Variants in CCDC146 observed in about 807,000 individuals in gnomAD.
The protein encoded by CCDC146 is coiled-coil domain-containing protein 146.
A neutral mutation model predicts 119.3 loss-of-function variants in CCDC146; 92 were observed. That is an observed-to-expected ratio of 0.77 (90% confidence interval 0.65 to 0.92). CCDC146 has a LOEUF of 0.92. CCDC146 is among the 40% of genes least tolerant of loss of function. The probability of loss-of-function intolerance (pLI) is 0.00; values close to 1 mark genes in which losing one functional copy is unlikely to be tolerated. For synonymous variants in CCDC146, 372 were observed against 371.8 expected (o/e 1.00, Z -0.01); for missense variants, 1,000 against 1,103.0 (o/e 0.91, Z 1.32).
intron 2 of CCDC146, among the ~76,000 whole-genome samples, chr7:77,170,629 A>G (rs372733042): frequency 6.6e-6 from 1 of 152,258 alleles, no homozygotes; most frequent in Non-Finnish European, 1.5e-5. Context: ...TAAAAAGACA[A>G]TCTACAGAAT....
At chr7:77,174,603 A>C (rs1206225080) in intron 2 of CCDC146, among the ~76,000 whole-genome samples, 1 of 152,188 alleles carries the variant, frequency 6.6e-6, no homozygotes, top group Non-Finnish European at 1.5e-5. Context: ...CCATGGCAAC[A>C]GTAAACTAAC....
chr7:77,274,481 G>T lies in CCDC146; in HGVS notation c.1270-1G>T. 1 of 1,527,160 alleles carries T rather than the reference G, an allele frequency of 6.5e-7. No homozygotes were observed. The highest frequency in any genetic ancestry group is 8.8e-7 in the Non-Finnish European group (1 of 1,137,228). The allele number at this position is 1,527,160 out of a possible 1,614,324, so 94.6% of individuals were successfully genotyped here. A position where few individuals can be genotyped will look rare whatever the true frequency, so the allele number is the denominator to read the frequency against. ...ATATTATCTGTGTTTTTTTTCAAAA[G>T]AAAATTATATCAGAAATGGAGTCTA... On this transcript the variant is annotated splice_acceptor_variant, in intron 10 of 18. Transcript: ENST00000285871. LOFTEE classifies it high-confidence loss of function.
chr7:77,294,463 G>GGGGTGTGT (rs1233864398), intron 18 of CCDC146, among the ~76,000 whole-genome samples, 200 bp from the exon 19 acceptor site: 10 of 134,232 alleles, frequency 7.4e-5, no homozygotes, highest in Non-Finnish European at 1.3e-4. Context: ...ATGAGAGGTA[G>GGGGTGTGT]GTGTGTGTGT....
At chr7:77,174,244 G>A (rs1791468364) in intron 2 of CCDC146, among the ~76,000 whole-genome samples, 1 of 152,188 alleles carries the variant, frequency 6.6e-6, no homozygotes, top group South Asian at 2.1e-4. Context: ...TATGCATGGC[G>A]GTAGTTTGAT....
chr7:77,240,951 T>A (rs571756542), intron 3 of CCDC146, among the ~76,000 whole-genome samples: 6 of 152,160 alleles, frequency 3.9e-5, no homozygotes, highest in East Asian at 1.9e-4. Flanking sequence ...TTGTTTTTTT[T>A]AAATCACGTT....
At position 77,196,759 on chromosome 7, in the gene CCDC146, C is replaced by G; in HGVS notation, c.156+28935C>G. The G allele has an allele frequency of 2.5e-6, 4 of 1,614,018 alleles. No individual in the cohort carries two copies. The highest frequency in any genetic ancestry group is 3.4e-6 in the Non-Finnish European group (4 of 1,179,958). ...TTTTATCGTTCCCCAGCCAAAATTC[C>G]CTTCTGAGGTTTCCAAAGCCTGCTT... On this transcript the variant is annotated intron_variant, in intron 2 of 18. Coordinates refer to ENST00000285871, the MANE Select transcript of CCDC146 (RefSeq NM_020879.3). The surrounding 1 kb of genome is among the most constrained non-coding windows in gnomAD (Gnocchi z 4.2).
intron 15 of CCDC146, 47 bp downstream of exon 15, chr7:77,282,832 C>G: frequency 7.3e-7 from 1 of 1,376,274 alleles, no homozygotes; most frequent in Non-Finnish European, 1.0e-6. Flanking sequence ...TTATTTTTTT[C>G]TGCCTTTATT....
At chr7:77,224,956 C>T (rs1792476798) in intron 2 of CCDC146, among the ~76,000 whole-genome samples, 1 of 152,090 alleles carries the variant, frequency 6.6e-6, no homozygotes, top group Admixed American at 6.6e-5. Flanking sequence ...GCAGAGACTA[C>T]TCTTTTGAGA....
At chr7:77,258,712 G>A (rs1003197699) in intron 6 of CCDC146, among the ~76,000 whole-genome samples, 2 of 152,120 alleles carry the variant, frequency 1.3e-5, no homozygotes, top group African/African-American at 4.8e-5. Context: ...TTATTGGGAC[G>A]TCACTCCATT....
chr7:77,201,910 T>C (rs985383038), intron 2 of CCDC146, among the ~76,000 whole-genome samples: 1 of 143,610 alleles, frequency 7.0e-6, no homozygotes. Context: ...GATGACAACA[T>C]AGATAAAAAA....
chr7:77,167,107 A>G (rs1396775368), intron 1 of CCDC146, among the ~76,000 whole-genome samples: 1 of 152,208 alleles, frequency 6.6e-6, no homozygotes, highest in East Asian at 1.9e-4. Context: ...CACACATTCT[A>G]AGTATGTTAT....
At chr7:77,245,843 A>G (rs1357053556) in intron 4 of CCDC146, among the ~76,000 whole-genome samples, 1 of 149,824 alleles carries the variant, frequency 6.7e-6, no homozygotes, top group Non-Finnish European at 1.5e-5. Flanking sequence ...GGAAAAACTC[A>G]TAGCTAGAAC....
chr7:77,132,553 CAAA>C (rs58502705), intron 1 of CCDC146, among the ~76,000 whole-genome samples: 2 of 107,148 alleles, frequency 1.9e-5, no homozygotes, highest in East Asian at 2.8e-4. Context: ...TCGATCTCTA[CAAA>C]AAAAAAAAAA....
intron 2 of CCDC146, among the ~76,000 whole-genome samples, chr7:77,190,844 G>A (rs1210420407): frequency 6.6e-5 from 10 of 152,160 alleles, no homozygotes; most frequent in Non-Finnish European, 2.9e-5. Context: ...ATTTGTGAAG[G>A]AGTCTTTATT....
At chr7:77,274,678 TTGATAAC>T (rs1364374343) in intron 11 of CCDC146, 26 bp downstream of exon 11, 1 of 1,589,638 alleles carries the variant, frequency 6.3e-7, no homozygotes. Context: ...TAACCATTCA[TTGATAAC>T]TACAAGAGTT....
intron 2 of CCDC146, among the ~76,000 whole-genome samples, chr7:77,186,396 A>G (rs1204347520): frequency 6.6e-6 from 1 of 152,152 alleles, no homozygotes; most frequent in African/African-American, 2.4e-5. Flanking sequence ...GCACAGAAAG[A>G]CAAACTGCAT....
At chr7:77,216,616 T>C (rs925611086) in intron 2 of CCDC146, among the ~76,000 whole-genome samples, 1 of 152,176 alleles carries the variant, frequency 6.6e-6, no homozygotes, top group African/African-American at 2.4e-5. Flanking sequence ...TTTGTCTGGA[T>C]AACTCCTCTC....
At chr7:77,170,223 G>A (rs538602314) in intron 2 of CCDC146, among the ~76,000 whole-genome samples, 1 of 152,240 alleles carries the variant, frequency 6.6e-6, no homozygotes, top group South Asian at 2.1e-4. Flanking sequence ...ATGAGAATAT[G>A]CAGTGTCTGG....
At chr7:77,284,122 C>A (rs1793808621) in intron 15 of CCDC146, among the ~76,000 whole-genome samples, 1 of 152,178 alleles carries the variant, frequency 6.6e-6, no homozygotes, top group South Asian at 2.1e-4. Context: ...ACGGAACTCA[C>A]CCCTTCCTCA....
Sources: allele counts gnomAD v4.1 joint callset (sites outside exome capture counted in the v4.1 genomes callset), GRCh38; gene constraint gnomAD v4.1.1; non-coding constraint Gnocchi (gnomAD v3.1); transcripts MANE v1.5; gene names NCBI Gene and HGNC (gene_info 2026-07-23, HGNC 2026-07-21).